Variants in ENG observed in about 807,000 individuals in gnomAD.
ENG encodes the protein CD105 antigen.
In ENG, 17 loss-of-function variants were observed where a neutral mutation model predicts 71.0. That is an observed-to-expected ratio of 0.24 (90% CI 0.16 to 0.36). The LOEUF (loss-of-function observed/expected upper bound fraction) is 0.36. Among genes scored for constraint, ENG ranks in the 10% least tolerant of loss-of-function variants. The pLI, the probability that ENG is intolerant of heterozygous loss-of-function variation, is 1.00. For missense variants in ENG, 749 were observed against 868.3 expected (o/e 0.86, Z 1.73); for synonymous variants, 360 against 366.9 (o/e 0.98, Z 0.21).
At chr9:127,816,916 C>T (rs918693728) in intron 13 of ENG, 1 of 595,884 alleles carries the variant, frequency 1.7e-6, no homozygotes, top group African/African-American at 1.9e-5. Context: ...CCTAGACTCC[C>T]ACCCCACAGG....
intron 1 of ENG, among the ~76,000 whole-genome samples, chr9:127,845,690 G>C (rs1188058413): frequency 6.6e-6 from 1 of 152,166 alleles, no homozygotes; most frequent in Non-Finnish European, 1.5e-5. Context: ...TGGGCACATG[G>C]CAATTCTTTC....
chr9:127,832,622 A>G (rs1256721087), intron 2 of ENG: 20 of 151,778 alleles, frequency 1.3e-4, no homozygotes, highest in Admixed American at 1.2e-3. Flanking sequence ...ATCCTAGCTC[A>G]CTGTTTCTTT....
At chr9:127,837,907 C>A (rs528211921) in intron 2 of ENG, among the ~76,000 whole-genome samples, 1 of 152,236 alleles carries the variant, frequency 6.6e-6, no homozygotes, top group South Asian at 2.1e-4. Flanking sequence ...CCTGTCTGAC[C>A]CTCCCCAACC....
rs1830387210 is a variant in ENG, at chr9:127,818,396, C to T, written c.1429-19G>A. The T allele has an allele frequency of 6.2e-7, 1 of 1,611,998 alleles. No individual in the cohort carries two copies. Among genetic ancestry groups the T allele is most frequent in the African/African-American group, 1.3e-5 (1 of 74,928 alleles). On this transcript the variant is annotated intron_variant, in intron 11 of 14. Coordinates refer to ENST00000373203, the MANE Select transcript of ENG (RefSeq NM_001114753.3). ...CTCTGACCTGCATGGGTAGGTAGGG[C>T]CACGCGGCATGGGCAGCTGCTCTTC...
chr9:127,816,569 A>T, intron 13 of ENG: 1 of 247,462 alleles, frequency 4.0e-6, no homozygotes. Context: ...CTGACATCCG[A>T]TTCTGTGTCA....
rs1232349513 is a variant in ENG, at chr9:127,836,662, C to T, written c.219+6432G>A. Among the ~76,000 whole-genome samples the T allele has an allele frequency of 6.6e-6, 1 of 152,256 alleles. No homozygotes were observed. The highest frequency in any genetic ancestry group is 2.4e-5 in the African/African-American group (1 of 41,474). ...ATTAGCCTGTGACCTTGGACAGTCA[C>T]TATGCCTCTCTGGGCCTCAGTTTCC... On this transcript the variant is annotated intron_variant, in intron 2 of 14. Coordinates refer to ENST00000373203, the MANE Select transcript of ENG (RefSeq NM_001114753.3). The surrounding 1 kb of genome is among the most constrained non-coding windows in gnomAD (Gnocchi z 4.0).
intron 7 of ENG, 130 bp downstream of exon 7, chr9:127,824,670 A>C: frequency 8.5e-7 from 1 of 1,173,096 alleles, no homozygotes; most frequent in African/African-American, 1.6e-5. Flanking sequence ...TCCCATGTGC[A>C]GATGAGAAAA....
intron 1 of ENG, among the ~76,000 whole-genome samples, chr9:127,851,068 T>G (rs1313091291): frequency 6.6e-6 from 1 of 151,990 alleles, no homozygotes; most frequent in Non-Finnish European, 1.5e-5. Flanking sequence ...AAAAAAAAAC[T>G]AGTAAGCCAT....
At chr9:127,842,981 CT>C in intron 2 of ENG, 112 bp downstream of exon 2, 2 of 1,523,356 alleles carry the variant, frequency 1.3e-6, no homozygotes. Flanking sequence ...GGCAGGGGGC[CT>C]AACGAGGACT....
In ENG at chr9:127,824,962, A is replaced by G. The variant is rs1460443094; in HGVS notation, c.829T>C (p.Tyr277His). 6 of 1,613,548 alleles carry G rather than the reference A, an allele frequency of 3.7e-6. No homozygotes were observed. Among genetic ancestry groups the G allele is most frequent in the South Asian group, 3.3e-5 (3 of 90,998 alleles). Residue 277 changes from tyrosine to histidine, a missense_variant, in exon 7 of 15, where the codon TAC (tyrosine) becomes CAC (histidine). Transcript: ENST00000373203. Reference protein sequence around the residue: ...HNMQIWTTGEYSFKIFPEKNI... With the variant: ...HNMQIWTTGEHSFKIFPEKNI... The stretch of plus-strand genomic sequence containing the variant: ...TTCTCTGGAAAGATCTTGAAGGAGT[A>G]TTCTCCAGTGGTCTAATGGTGGGGA...
At chr9:127,819,568 G>A (rs1345348730) in intron 10 of ENG, 54 bp downstream of exon 10, 17 of 1,610,438 alleles carry the variant, frequency 1.1e-5, no homozygotes, top group East Asian at 2.2e-5. Flanking sequence ...AAGAGGCCCC[G>A]GCCCAGCAGC....
chr9:127,846,940 C>T lies in ENG; in HGVS notation c.68-3695G>A. ...CAGATTTCCAGAGGGCTACCTTCAG[C>T]ACCTTGGAGGATGATCAAGAAAAAC... On this transcript the variant is annotated intron_variant, in intron 1 of 14. Coordinates refer to ENST00000373203, the MANE Select transcript of ENG (RefSeq NM_001114753.3). The surrounding 1 kb of genome is among the most constrained non-coding windows in gnomAD (Gnocchi z 5.5). The T allele has an allele frequency of 7.1e-6, 7 of 985,618 alleles. No homozygotes were observed. Among genetic ancestry groups the T allele is most frequent in the Non-Finnish European group, 8.4e-6 (7 of 830,060 alleles). 61.1% of individuals were successfully genotyped at this position (985,618 alleles called of 1,614,324 possible).
At chr9:127,823,673 C>CTTTTTTTTT (rs1017053002) in intron 8 of ENG, among the ~76,000 whole-genome samples, 4 of 99,036 alleles carry the variant, frequency 4.0e-5, no homozygotes, top group African/African-American at 9.7e-5. Flanking sequence ...CAGGCACCGG[C>CTTTTTTTTT]TTTTTTTTTT....
chr9:127,819,584 C>T (rs1830423228), intron 10 of ENG, 38 bp downstream of exon 10: 1 of 1,612,054 alleles, frequency 6.2e-7, no homozygotes, highest in Non-Finnish European at 8.5e-7. Flanking sequence ...GCAGCAGCCC[C>T]TGGGCCAGGT....
At chr9:127,831,312 C>A (rs1046206690) in intron 2 of ENG, among the ~76,000 whole-genome samples, 1 of 148,792 alleles carries the variant, frequency 6.7e-6, no homozygotes, top group African/African-American at 2.5e-5. Flanking sequence ...AGGTGCCCAC[C>A]ACGACGCATG....
At chr9:127,816,246 A>C (rs1490709781) in intron 13 of ENG, 193 bp from the exon 14 acceptor site, 1 of 733,070 alleles carries the variant, frequency 1.4e-6, no homozygotes, top group African/African-American at 1.7e-5. Context: ...GGTTGCTAGG[A>C]CTGTCCACCT....
chr9:127,823,224 C>T lies in ENG; in HGVS notation c.1134+1080G>A, dbSNP rs141916200. On this transcript the variant is annotated intron_variant, in intron 8 of 14. Coordinates refer to ENST00000373203, the MANE Select transcript of ENG (RefSeq NM_001114753.3). ...GCAGTGGCATGATCTTGGCTCACTG[C>T]AAGCTCCGCCTCCCGGGTTCAGGCC... Among the ~76,000 whole-genome samples the T allele has an allele frequency of 7.6e-4, 115 of 152,162 alleles. 1 individual carries two copies. The highest frequency in any genetic ancestry group is 2.6e-3 in the African/African-American group (109 of 41,506).
chr9:127,847,017 G>T, intron 1 of ENG: 1 of 926,622 alleles, frequency 1.1e-6, no homozygotes, highest in Non-Finnish European at 1.3e-6. Flanking sequence ...CTCTTAAAAT[G>T]CTGGTCACCT....
rs148475405 is a variant in ENG at position 127,843,154 on chromosome 9, G to A, written c.159C>T (p.Cys53=). 3.5e-4 allele frequency: 563 copies of A among 1,614,236 alleles called. 4 individuals carry two copies. The East Asian group carries it at 0.011, about 30-fold the overall frequency. ...TYTTSQVSKG[C]VAQAPNAILE... is the part of the protein sequence containing the mutation. ...GGATGGCATTGGGGGCCTGAGCCAC[G>A]CAGCCCTTCGAGACCTGGCTAGTGG... Residue 53 remains cysteine, a synonymous_variant, in exon 2 of 15, where the codon TGC becomes TGT. Coordinates refer to ENST00000373203, the MANE Select transcript of ENG (RefSeq NM_001114753.3).
Sources: allele counts gnomAD v4.1 joint callset (sites outside exome capture counted in the v4.1 genomes callset), GRCh38; gene constraint gnomAD v4.1.1; non-coding constraint Gnocchi (gnomAD v3.1); transcripts MANE v1.5; gene names NCBI Gene and HGNC (gene_info 2026-07-23, HGNC 2026-07-21).